The following SLC39A6 variants were observed in gnomAD, a reference collection of about 807,000 sequenced individuals.
SLC39A6 encodes zinc transporter ZIP6.
SLC39A6 carries 51 observed loss-of-function variants against 63.5 expected under a neutral mutation model. That is an observed-to-expected ratio of 0.80 (90% CI 0.64 to 1.01). The LOEUF (loss-of-function observed/expected upper bound fraction) is 1.01. Ranked by LOEUF, SLC39A6 falls within the 50% of genes least tolerant of loss-of-function variation. SLC39A6 has a pLI of 0.00. For synonymous variants in SLC39A6, 318 were observed against 324.7 expected, an observed-to-expected ratio of 0.98 and a Z score of 0.22; for missense variants, 805 against 927.8, an observed-to-expected ratio of 0.87 and a Z score of 1.72.
chr18:36,110,588 G>C (rs569540519), intron 9 of SLC39A6, among the ~76,000 whole-genome samples: 2 of 151,888 alleles, frequency 1.3e-5, no homozygotes, highest in East Asian at 3.8e-4. Context: ...GTCCAGGCTG[G>C]AGTGCAGTAG....
intron 5 of SLC39A6, among the ~76,000 whole-genome samples, chr18:36,119,910 GA>G (rs753633941): frequency 2.0e-5 from 3 of 147,622 alleles, no homozygotes; most frequent in South Asian, 2.1e-4. Context: ...CTTAAAAAAA[GA>G]AAAAAAAAGA....
rs1304482091 is a variant in SLC39A6 at position 36,114,285 on chromosome 18, TCTGA to T, written c.1651_1654del (p.Ser551ThrfsTer36). 6.2e-7 allele frequency: 1 copy of T among 1,614,168 alleles called. No individual in the cohort carries two copies. Among genetic ancestry groups the T allele is most frequent in the Non-Finnish European group, 8.5e-7 (1 of 1,180,026 alleles). On this transcript the variant is annotated frameshift_variant, in exon 7 of 10. Transcript: ENST00000269187. LOFTEE classifies it high-confidence loss of function. Reference sequence around the variant, plus strand: ...GTCATGATGGTGGTGAATGAGATCGTCTGACTGGCCGAGTGTATCGTGGAAATGT... The same window carrying T: ...GTCATGATGGTGGTGAATGAGATCGTCTGGCCGAGTGTATCGTGGAAATGT...
At chr18:36,121,902 T>C (rs2089397321) in intron 5 of SLC39A6, 150 bp downstream of exon 5, 1 of 598,412 alleles carries the variant, frequency 1.7e-6, no homozygotes. Flanking sequence ...CTCATAAATA[T>C]CTCTGGGACC....
chr18:36,110,176 T>G (rs1341345425), intron 9 of SLC39A6, among the ~76,000 whole-genome samples: 1 of 152,122 alleles, frequency 6.6e-6, no homozygotes, highest in Non-Finnish European at 1.5e-5. Context: ...AAAATACAAT[T>G]TTAGCGGTAA....
At chr18:36,113,931 G>A (rs2089322115) in intron 7 of SLC39A6, among the ~76,000 whole-genome samples, 166 bp downstream of exon 7, 1 of 152,066 alleles carries the variant, frequency 6.6e-6, no homozygotes, top group South Asian at 2.1e-4. Context: ...AACATTTATT[G>A]AGCACTTCAT....
intron 5 of SLC39A6, among the ~76,000 whole-genome samples, chr18:36,119,448 CT>C (rs1465496481): frequency 6.6e-6 from 1 of 152,110 alleles, no homozygotes; most frequent in Non-Finnish European, 1.5e-5. Flanking sequence ...GAGATCCTGG[CT>C]TTTAAGAGCT....
chr18:36,119,927 T>A (rs1238414360), intron 5 of SLC39A6, among the ~76,000 whole-genome samples: 4 of 151,982 alleles, frequency 2.6e-5, no homozygotes, highest in African/African-American at 4.8e-5. Context: ...AAAGAAAAGC[T>A]GTATTTAGGT....
At chr18:36,115,208 G>A (rs181964917) in intron 6 of SLC39A6, among the ~76,000 whole-genome samples, 2 of 152,294 alleles carry the variant, frequency 1.3e-5, no homozygotes, top group East Asian at 3.9e-4. Context: ...TTGGGAGGCA[G>A]AGGTGGGCGG....
At chr18:36,128,318 C>A (rs1337033515) in intron 1 of SLC39A6, among the ~76,000 whole-genome samples, 2 of 152,210 alleles carry the variant, frequency 1.3e-5, no homozygotes, top group Non-Finnish European at 2.9e-5. Context: ...TCCAGCTCTA[C>A]CACGGTCAGC....
chr18:36,120,875 G>A (rs543185907), intron 5 of SLC39A6, among the ~76,000 whole-genome samples: 3 of 152,280 alleles, frequency 2.0e-5, no homozygotes, highest in Non-Finnish European at 4.4e-5. Context: ...ATCAAATTAC[G>A]TAAGGCTACC....
chr18:36,124,834 G>C, intron 2 of SLC39A6, 134 bp from the exon 3 acceptor site: 1 of 711,764 alleles, frequency 1.4e-6, no homozygotes, highest in Non-Finnish European at 2.1e-6. Flanking sequence ...TCTGTTTTGA[G>C]CACTTTGGAA....
In SLC39A6 at chr18:36,108,840, C is replaced by T. The variant is rs1351649076; in HGVS notation, c.*753G>A. 1.3e-5 allele frequency: 2 copies of T among 152,312 alleles called. No individual in the cohort carries two copies. The highest frequency in any genetic ancestry group is 2.9e-5 in the Non-Finnish European group (2 of 68,026). The allele number at this position is 152,312 out of a possible 1,614,324, so 9.4% of individuals were successfully genotyped here. A position where few individuals can be genotyped will look rare whatever the true frequency, so the allele number is the denominator to read the frequency against. On this transcript the variant is annotated 3_prime_UTR_variant, in exon 10 of 10. Transcript: ENST00000269187. ...CCCAGTCTGGTGATACATAAAACTACTCACTGTACTCATCTGGTATATACC... is the reference window on the plus strand; with the variant it reads ...CCCAGTCTGGTGATACATAAAACTATTCACTGTACTCATCTGGTATATACC...
At chr18:36,118,401 G>C (rs1019242391) in intron 5 of SLC39A6, among the ~76,000 whole-genome samples, 6 of 152,182 alleles carry the variant, frequency 3.9e-5, no homozygotes, top group African/African-American at 1.2e-4. Context: ...GAAAAGAACA[G>C]AGTGCTATTA....
chr18:36,111,762 G>A (rs1327253795), intron 8 of SLC39A6, among the ~76,000 whole-genome samples: 2 of 152,190 alleles, frequency 1.3e-5, no homozygotes, highest in African/African-American at 4.8e-5. Flanking sequence ...TGGGATTAAA[G>A]GCGTGAGCCA....
chr18:36,117,094 G>A (rs756051461), intron 5 of SLC39A6, among the ~76,000 whole-genome samples: 10 of 152,292 alleles, frequency 6.6e-5, no homozygotes, highest in Middle Eastern at 3.4e-3. Context: ...AAAATTAGCC[G>A]GGTGTGGTGG....
chr18:36,126,048 C>T (rs2089434309), intron 2 of SLC39A6, among the ~76,000 whole-genome samples, 171 bp downstream of exon 2: 1 of 152,210 alleles, frequency 6.6e-6, no homozygotes, highest in Non-Finnish European at 1.5e-5. Flanking sequence ...GGAATGTTTA[C>T]AACATAGCAG....
chr18:36,125,454 C>T (rs1010755790), intron 2 of SLC39A6, among the ~76,000 whole-genome samples: 5 of 152,038 alleles, frequency 3.3e-5, no homozygotes, highest in Non-Finnish European at 5.9e-5. Flanking sequence ...TCAGTTGGTA[C>T]AACTCAGAGC....
chr18:36,127,507 CA>C lies in SLC39A6; in HGVS notation c.-9-492del, dbSNP rs879342564. On this transcript the variant is annotated intron_variant, in intron 1 of 9. Coordinates refer to ENST00000269187, the MANE Select transcript of SLC39A6 (RefSeq NM_012319.4). ...TGGGCAACATTGTGAAACCCTGTCT[CA>C]AAAAAAAAAAAGAACGAAATGAAAT... Among the ~76,000 whole-genome samples, 381 of 135,524 alleles carry C rather than the reference CA, an allele frequency of 2.8e-3. 1 individual carries two copies. Among genetic ancestry groups the C allele is most frequent in the Middle Eastern group, 3.8e-3 (1 of 264 alleles). The allele number at this position is 135,524 out of a possible 152,430, so 88.9% of individuals were successfully genotyped here.
At chr18:36,121,252 G>A (rs2089391330) in intron 5 of SLC39A6, among the ~76,000 whole-genome samples, 1 of 151,998 alleles carries the variant, frequency 6.6e-6, no homozygotes, top group South Asian at 2.1e-4. Flanking sequence ...CGCCTCCCAA[G>A]TTCAAACAAT....
Sources: allele counts gnomAD v4.1 joint callset (sites outside exome capture counted in the v4.1 genomes callset), GRCh38; gene constraint gnomAD v4.1.1; transcripts MANE v1.5; gene names NCBI Gene and HGNC (gene_info 2026-07-23, HGNC 2026-07-21).